The following KIF4A variants were observed in gnomAD, a reference collection of about 807,000 sequenced individuals.
The protein encoded by KIF4A is kinesin family member 4A.
A neutral mutation model predicts 105.9 loss-of-function variants in KIF4A; 7 were observed. The observed-to-expected ratio is 0.07, with a 90% CI of 0.04 to 0.12. The LOEUF is 0.12. Among genes scored for constraint, KIF4A ranks in the 10% least tolerant of loss-of-function variants. The pLI is 1.00. For synonymous variants in KIF4A, 281 were observed against 331.3 expected (o/e 0.85, Z 1.65); for missense variants, 558 against 929.2 (o/e 0.60, Z 5.19).
At chrX:70,347,771 C>A (rs182755695) in intron 13 of KIF4A, among the ~76,000 whole-genome samples, 1 of 102,094 alleles carries the variant, frequency 9.8e-6, no homozygotes, top group African/African-American at 3.6e-5. Flanking sequence ...GTCAGGAGAT[C>A]GAGACCATCC....
rs2086363545 is a variant in KIF4A, at chrX:70,420,716, C to G, written c.*451C>G. On this transcript the variant is annotated 3_prime_UTR_variant, in exon 31 of 31. Coordinates refer to ENST00000374403, the MANE Select transcript of KIF4A (RefSeq NM_012310.5). The stretch of plus-strand genomic sequence containing the variant: ...GAATGAGGTTGTGATCTTTCCTGTC[C>G]TGACCCTCTCTGAATTATGTTTCAA... 8.0e-6 allele frequency: 1 copy of G among 125,769 alleles called. No individual in the cohort carries two copies. The highest frequency in any genetic ancestry group is 1.8e-5 in the Non-Finnish European group (1 of 56,072). 10.4% of individuals were successfully genotyped at this position (125,769 alleles called of 1,213,427 possible). A position where few individuals can be genotyped will look rare whatever the true frequency, so the allele number is the denominator to read the frequency against.
chrX:70,299,060 A>G, intron 4 of KIF4A, 53 bp from the exon 5 acceptor site: 1 of 968,433 alleles, frequency 1.0e-6, no homozygotes, highest in Non-Finnish European at 1.4e-6. Flanking sequence ...CACCACCCAG[A>G]GATTACCACT....
chrX:70,402,022 A>G (rs2086284221), intron 22 of KIF4A, among the ~76,000 whole-genome samples: 1 of 111,921 alleles, frequency 8.9e-6, no homozygotes, highest in Non-Finnish European at 1.9e-5. Flanking sequence ...CCCAGAAGCT[A>G]TAACCAGGGT....
intron 7 of KIF4A, among the ~76,000 whole-genome samples, chrX:70,321,323 A>G (rs2085889413): frequency 8.9e-6 from 1 of 112,352 alleles, no homozygotes; most frequent in Non-Finnish European, 1.9e-5. Context: ...GACTCAACTT[A>G]AGTGTTGGGG....
intron 7 of KIF4A, among the ~76,000 whole-genome samples, chrX:70,306,093 G>C: frequency 8.9e-6 from 1 of 112,146 alleles, no homozygotes. Context: ...GATGTGAAGA[G>C]TGGTCCAGTT....
At position 70,352,689 on chromosome X, in the gene KIF4A, A is replaced by T. The variant is rs780913725; in HGVS notation, c.1488+33A>T. The stretch of plus-strand genomic sequence containing the variant: ...ATTGGCCCCTTTGTGTAGAACCAGG[A>T]GCTCTAACTGCCGTTTCCTATAATT... On this transcript the variant is annotated intron_variant, in intron 14 of 30. Coordinates refer to ENST00000374403, the MANE Select transcript of KIF4A (RefSeq NM_012310.5). The T allele has an allele frequency of 8.1e-6, 8 of 992,802 alleles. No homozygotes were observed. In the South Asian group the frequency reaches 1.1e-4, roughly 13 times the overall value. 81.8% of individuals were successfully genotyped at this position (992,802 alleles called of 1,213,427 possible). A position where few individuals can be genotyped will look rare whatever the true frequency, so the allele number is the denominator to read the frequency against.
intron 18 of KIF4A, among the ~76,000 whole-genome samples, chrX:70,382,474 A>T (rs2086200781): frequency 8.9e-6 from 1 of 111,992 alleles, no homozygotes; most frequent in Non-Finnish European, 1.9e-5. Context: ...ATTAAAGCAG[A>T]TCAAAAACCT....
intron 15 of KIF4A, among the ~76,000 whole-genome samples, chrX:70,369,003 G>T (rs1471308911): frequency 8.9e-6 from 1 of 112,365 alleles, no homozygotes; most frequent in African/African-American, 3.2e-5. Context: ...TCAGACTGCT[G>T]TGCTAGCAAT....
chrX:70,391,042 G>A (rs2086235857), intron 20 of KIF4A, among the ~76,000 whole-genome samples: 1 of 111,534 alleles, frequency 9.0e-6, no homozygotes, highest in Admixed American at 9.6e-5. Context: ...TTTTCCTTAG[G>A]TTTTGGCAAT....
At chrX:70,325,536 C>G (rs753690653) in intron 7 of KIF4A, among the ~76,000 whole-genome samples, 17 of 111,503 alleles carry the variant, frequency 1.5e-4, no homozygotes, top group Non-Finnish European at 2.8e-4. Flanking sequence ...CTTCGGCCCC[C>G]CAAAGTGCTG....
At chrX:70,340,295 G>A (rs999512109) in intron 10 of KIF4A, among the ~76,000 whole-genome samples, 2 of 111,984 alleles carry the variant, frequency 1.8e-5, no homozygotes, top group Non-Finnish European at 3.8e-5. Flanking sequence ...CTATAGAAGA[G>A]TTAACTATTA....
intron 15 of KIF4A, among the ~76,000 whole-genome samples, chrX:70,362,985 T>TGATC (rs1322847513): frequency 2.2e-4 from 25 of 111,408 alleles, no homozygotes; most frequent in African/African-American, 7.5e-4. Flanking sequence ...TGCAGTGGCA[T>TGATC]GATCATAGCT....
chrX:70,303,925 T>A (rs1187660474), intron 7 of KIF4A, among the ~76,000 whole-genome samples: 1 of 103,025 alleles, frequency 9.7e-6, no homozygotes, highest in Non-Finnish European at 2.0e-5. Flanking sequence ...TTTTTTTATT[T>A]TTTTATTTTA....
intron 23 of KIF4A, 49 bp downstream of exon 23, chrX:70,402,744 A>C (rs1356396873): frequency 1.7e-6 from 2 of 1,169,233 alleles, no homozygotes; most frequent in African/African-American, 3.5e-5. Context: ...TGTAGGTTGA[A>C]ATGGGATGTT....
intron 20 of KIF4A, among the ~76,000 whole-genome samples, chrX:70,389,430 C>T (rs1031284436): frequency 1.1e-4 from 12 of 111,150 alleles, no homozygotes; most frequent in South Asian, 3.8e-4. Flanking sequence ...TAGTTGTGCA[C>T]GGTGGTGTGC....
At chrX:70,408,630 C>T (rs747103995) in intron 28 of KIF4A, among the ~76,000 whole-genome samples, 2 of 111,947 alleles carry the variant, frequency 1.8e-5, no homozygotes, top group Admixed American at 9.5e-5. Context: ...TATAAACCCA[C>T]ACCACCAGGA....
intron 28 of KIF4A, among the ~76,000 whole-genome samples, chrX:70,415,156 A>G (rs1022669999): frequency 8.9e-6 from 1 of 112,459 alleles, no homozygotes; most frequent in Non-Finnish European, 1.9e-5. Flanking sequence ...CCTTGTTTAT[A>G]AGAATGGAAA....
rs768521450 is a variant in KIF4A at position 70,353,815 on chromosome X, A to G, written c.1674+8A>G. On this transcript the variant is annotated splice_region_variant and intron_variant, in intron 15 of 30. Transcript: ENST00000374403. Reference sequence around the variant, plus strand: ...ATTCAGTACCAATACCAGGTAAACTATTTCCTAGGGCAGTATTTGTTCATG... The same window carrying G: ...ATTCAGTACCAATACCAGGTAAACTGTTTCCTAGGGCAGTATTTGTTCATG... The G allele has an allele frequency of 2.6e-6, 3 of 1,144,071 alleles. No homozygotes were observed. The highest frequency in any genetic ancestry group is 4.0e-5 in the South Asian group (2 of 50,184). The allele number at this position is 1,144,071 out of a possible 1,213,427, so 94.3% of individuals were successfully genotyped here.
chrX:70,365,060 T>TCAC (rs2086095493), intron 15 of KIF4A, among the ~76,000 whole-genome samples: 1 of 111,810 alleles, frequency 8.9e-6, no homozygotes, highest in African/African-American at 3.3e-5. Context: ...TATTGGTGTA[T>TCAC]AAGAATGCTT....
Sources: allele counts gnomAD v4.1 joint callset (sites outside exome capture counted in the v4.1 genomes callset), GRCh38; gene constraint gnomAD v4.1.1; transcripts MANE v1.5; gene names NCBI Gene and HGNC (gene_info 2026-07-23, HGNC 2026-07-21).